Variants in FAM217B observed in about 807,000 individuals in gnomAD.
FAM217B encodes protein FAM217B.
For missense variants in FAM217B, 463 were observed against 456.9 expected (o/e 1.01, Z -0.12); for synonymous variants, 163 against 173.0 (o/e 0.94, Z 0.45).
chr20:59,946,250 TC>T lies in FAM217B; in HGVS notation c.*1157del, dbSNP rs1051794565. 1 of 167,068 alleles carries T rather than the reference TC, an allele frequency of 6.0e-6. No individual in the cohort carries two copies. The highest frequency in any genetic ancestry group is 1.5e-5 in the Non-Finnish European group (1 of 68,120). 10.3% of individuals were successfully genotyped at this position (167,068 alleles called of 1,614,324 possible). ...CTGCAGTTAAATAACATCTTCTTGTTCCTATAGTTGTGCTGTGAGTTTTCTG... is the reference window on the plus strand; with the variant it reads ...CTGCAGTTAAATAACATCTTCTTGTTCTATAGTTGTGCTGTGAGTTTTCTG... On this transcript the variant is annotated 3_prime_UTR_variant, in exon 4 of 4. Coordinates refer to ENST00000360816, the MANE Select transcript of FAM217B (RefSeq NM_022106.3).
rs1445726783 is a variant in FAM217B at position 59,944,038 on chromosome 20, A to G, written c.95A>G (p.Gln32Arg). ...SKSQVPHASSQPRSSLTAVTQ... is the reference protein window; with the variant it reads ...SKSQVPHASSRPRSSLTAVTQ... ...TCCCAAGTACCCCACGCTTCTTCCC[A>G]GCCGAGAAGCAGCCTCACAGCTGTC... The change falls in exon 4 of 4, where the codon CAG becomes CGG. Residue 32 changes from glutamine to arginine, a missense_variant. Physicochemically the swap from Gln to Arg is conservative, Grantham distance 43. Coordinates refer to ENST00000360816, the MANE Select transcript of FAM217B (RefSeq NM_022106.3). 3 of 1,614,042 alleles carry G rather than the reference A, an allele frequency of 1.9e-6. No individual in the cohort carries two copies. The highest frequency in any genetic ancestry group is 2.5e-6 in the Non-Finnish European group (3 of 1,180,016).
chr20:59,943,194 T>A (rs905673014), intron 3 of FAM217B, among the ~76,000 whole-genome samples: 1 of 152,186 alleles, frequency 6.6e-6, no homozygotes, highest in South Asian at 2.1e-4. Flanking sequence ...CCAGAGAGAA[T>A]TAGTTTCTAT....
rs2060923443 is a variant in FAM217B at position 59,944,387 on chromosome 20, C to G, written c.444C>G (p.Ser148=). ...PEYYYPNFLP[S]PFSSWDLRDM... The stretch of plus-strand genomic sequence containing the variant: ...ACTATTATCCTAATTTCCTTCCATC[C>G]CCTTTCAGCTCCTGGGACCTACGAG... The change falls in exon 4 of 4, where the codon TCC becomes TCG. Residue 148 remains serine (S), a synonymous_variant. Coordinates refer to ENST00000360816, the MANE Select transcript of FAM217B (RefSeq NM_022106.3). 6.2e-7 allele frequency: 1 copy of G among 1,614,056 alleles called. No homozygotes were observed. The highest frequency in any genetic ancestry group is 1.7e-5 in the Admixed American group (1 of 60,002).
intron 1 of FAM217B, among the ~76,000 whole-genome samples, chr20:59,941,312 C>T (rs1007022647): frequency 6.6e-6 from 1 of 152,150 alleles, no homozygotes; most frequent in Non-Finnish European, 1.5e-5. Flanking sequence ...CAAGAACATT[C>T]GTTGCATCTA....
intron 1 of FAM217B, among the ~76,000 whole-genome samples, chr20:59,934,087 T>A (rs939546344): frequency 1.3e-5 from 2 of 151,980 alleles, no homozygotes; most frequent in Non-Finnish European, 2.9e-5. Context: ...GACCCGCGGC[T>A]CCAGCCAGCC....
chr20:59,947,743 G>A lies in FAM217B; in HGVS notation c.*2648G>A, dbSNP rs1454597726. On this transcript the variant is annotated 3_prime_UTR_variant, in exon 4 of 4. Coordinates refer to ENST00000360816, the MANE Select transcript of FAM217B (RefSeq NM_022106.3). ...AGTGAATAACATGAGGTGTTTTAAA[G>A]TTAGGTCTATTACAGAATTAACATA... 6.0e-6 allele frequency: 1 copy of A among 166,986 alleles called. No individual in the cohort carries two copies. Among genetic ancestry groups the A allele is most frequent in the Non-Finnish European group, 1.5e-5 (1 of 68,102 alleles). 10.3% of individuals were successfully genotyped at this position (166,986 alleles called of 1,614,324 possible). A position where few individuals can be genotyped will look rare whatever the true frequency, so the allele number is the denominator to read the frequency against.
rs144242261 is a variant in FAM217B at position 59,944,459 on chromosome 20, C to G, written c.516C>G (p.Pro172=). 0.012 allele frequency: 20,067 copies of G among 1,613,894 alleles called. 165 individuals are homozygous for G. The highest frequency in any genetic ancestry group is 0.015 in the Non-Finnish European group (18,262 of 1,179,984). The part of the protein sequence containing the change: ...LNAENKTEAV[P]RVGGLLGKYI... ...CAGAGAACAAAACGGAAGCCGTGCC[C>G]CGAGTGGGAGGACTTCTTGGGAAGT... Residue 172 remains proline (P), a synonymous_variant, in exon 4 of 4, where the codon CCC becomes CCG. Transcript: ENST00000360816.
At chr20:59,943,299 A>G (rs1450815604) in intron 3 of FAM217B, among the ~76,000 whole-genome samples, 1 of 152,172 alleles carries the variant, frequency 6.6e-6, no homozygotes, top group Non-Finnish European at 1.5e-5. Context: ...GTTACAGGGC[A>G]CCATATGATT....
At chr20:59,937,758 GT>G (rs1198755170), upstream of FAM217B, 1 of 152,366 alleles carries the variant, frequency 6.6e-6, no homozygotes, top group Non-Finnish European at 1.5e-5. Context: ...GTTCTTTGGA[GT>G]TTTAAGTGAT....
chr20:59,948,099 G>GA lies in FAM217B; in HGVS notation c.*3010dup, dbSNP rs1392136233. On this transcript the variant is annotated 3_prime_UTR_variant, in exon 4 of 4. Coordinates refer to ENST00000360816, the MANE Select transcript of FAM217B (RefSeq NM_022106.3). ...ATTTTAGGCTTAGAATTATCTAATG[G>GA]AAAAAATGTAAAAAAGTACAAAAAT... is the stretch of plus-strand genomic sequence containing the variant. The GA allele has an allele frequency of 6.1e-6, 1 of 163,656 alleles. No individual in the cohort carries two copies. The highest frequency in any genetic ancestry group is 1.5e-5 in the Non-Finnish European group (1 of 67,678). The allele number at this position is 163,656 out of a possible 1,614,324, so 10.1% of individuals were successfully genotyped here.
upstream of FAM217B, chr20:59,940,166 T>C: frequency 2.5e-6 from 1 of 392,572 alleles, no homozygotes; most frequent in Non-Finnish European, 4.7e-6. Flanking sequence ...TTTTCTCTAG[T>C]GGAAGCTTTC....
At chr20:59,939,462 G>A, upstream of FAM217B, 1 of 1,611,940 alleles carries the variant, frequency 6.2e-7, no homozygotes, top group Non-Finnish European at 8.5e-7. Context: ...CGGGAAATCG[G>A]GCACCAGGCA....
In FAM217B at chr20:59,944,166, CTG is replaced by C; in HGVS notation, c.225_226del (p.Phe76SerfsTer2). 1 of 1,614,118 alleles carries C rather than the reference CTG, an allele frequency of 6.2e-7. No individual in the cohort carries two copies. Among genetic ancestry groups the C allele is most frequent in the East Asian group, 2.2e-5 (1 of 44,870 alleles). Reference protein sequence around the residue: ...SRCQGASGNKLFLDFQSMKII... With the variant: ...SRCQGASGNKXFLDFQSMKII... ...GTGTCAGGGGGCCTCAGGGAATAAA[CTG>C]TTTCTTGATTTTCAGTCAATGAAAA... is the stretch of plus-strand genomic sequence containing the variant. On this transcript the variant is annotated frameshift_variant, in exon 4 of 4. Coordinates refer to ENST00000360816, the MANE Select transcript of FAM217B (RefSeq NM_022106.3). LOFTEE classifies it low-confidence loss of function (END_TRUNC).
chr20:59,936,195 C>T (rs753249455), upstream of FAM217B, among the ~76,000 whole-genome samples: 7 of 151,940 alleles, frequency 4.6e-5, no homozygotes, highest in Admixed American at 1.3e-4. Context: ...AGAAAAGATA[C>T]GGAAAAAAAT....
chr20:59,944,944 A>G lies in FAM217B; in HGVS notation c.1001A>G (p.Asp334Gly). Residue 334 changes from aspartate (D) to glycine (G), a missense_variant, in exon 4 of 4, where the codon GAC (aspartate) becomes GGC (glycine). By Grantham distance (94) the Asp-to-Gly change is moderately conservative. Coordinates refer to ENST00000360816, the MANE Select transcript of FAM217B (RefSeq NM_022106.3). ...RVPKQAAVIL[D>G]SADSCKASKT... is the part of the protein sequence containing the mutation. ...CCCAAACAGGCAGCTGTGATTCTGG[A>G]CTCAGCAGATTCCTGTAAGGCCTCC... 1 of 1,614,206 alleles carries G rather than the reference A, an allele frequency of 6.2e-7. No individual in the cohort carries two copies. Among genetic ancestry groups the G allele is most frequent in the Non-Finnish European group, 8.5e-7 (1 of 1,180,044 alleles).
At chr20:59,933,830 G>T (rs1393272551) in exon 1 of FAM217B, 1 of 151,836 alleles carries the variant, frequency 6.6e-6, no homozygotes, top group East Asian at 2.0e-4. Flanking sequence ...GACGCTGTGG[G>T]CGCGGCTCAG....
chr20:59,941,365 TG>T (rs2060903886), intron 1 of FAM217B, among the ~76,000 whole-genome samples: 2 of 152,252 alleles, frequency 1.3e-5, no homozygotes, highest in African/African-American at 4.8e-5. Context: ...TCATGAAATG[TG>T]AGAGAATGAT....
At chr20:59,934,640 C>T (rs75535258) in intron 1 of FAM217B, among the ~76,000 whole-genome samples, 1 of 152,138 alleles carries the variant, frequency 6.6e-6, no homozygotes, top group Non-Finnish European at 1.5e-5. Context: ...ATATTTGTGT[C>T]GGATCAATTT....
At position 59,944,569 on chromosome 20, in the gene FAM217B, C is replaced by G. The variant is rs558096199; in HGVS notation, c.626C>G (p.Pro209Arg). ...GCAAAGGGGGGCAAAGCAAGGCCCC[C>G]CACTGCCCCTGGGACCTCAGGGGCA... ...EKAKGGKARP[P>R]TAPGTSGALK... Residue 209 changes from proline to arginine, a missense_variant, in exon 4 of 4, where the codon CCC becomes CGC. By Grantham distance (103) the Pro-to-Arg change is moderately radical (BLOSUM62 -2). Coordinates refer to ENST00000360816, the MANE Select transcript of FAM217B (RefSeq NM_022106.3). The G allele has an allele frequency of 1.2e-6, 2 of 1,614,010 alleles. No individual in the cohort carries two copies. The highest frequency in any genetic ancestry group is 2.7e-5 in the African/African-American group (2 of 75,004).
Sources: gnomAD v4.1 joint callset for allele counts (sites outside exome capture counted in the v4.1 genomes callset) on GRCh38, gnomAD v4.1.1 for gene constraint, MANE v1.5 for transcripts, NCBI Gene and HGNC (gene_info 2026-07-23, HGNC 2026-07-21) for gene names.